OSGEP: variants seen among roughly 807,000 people sequenced by gnomAD.
OSGEP encodes the protein O-sialoglycoprotein endopeptidase, also known as tRNA N6-adenosine threonylcarbamoyltransferase.
OSGEP carries 39 observed loss-of-function variants against 44.1 expected under a neutral mutation model. The ratio of observed to expected loss-of-function variants is 0.88; its 90% confidence interval spans 0.69 to 1.16. The LOEUF (loss-of-function observed/expected upper bound fraction) is 1.16, where lower values mean the gene tolerates loss of function less well. Ranked by LOEUF, OSGEP falls within the 50% of genes most tolerant of loss-of-function variation. The pLI is 0.00. For missense variants in OSGEP, 403 were observed against 443.1 expected (o/e 0.91, Z 0.81); for synonymous variants, 139 against 161.9 (o/e 0.86, Z 1.07).
intron 6 of OSGEP, among the ~76,000 whole-genome samples, chr14:20,448,436 T>A (rs533520961): frequency 1.8e-4 from 28 of 152,320 alleles, no homozygotes; most frequent in African/African-American, 6.3e-4. Context: ...CTCATCATCA[T>A]CTGGCACTTC....
chr14:20,449,844 C>G (rs1189822439), intron 3 of OSGEP: 1 of 156,052 alleles, frequency 6.4e-6, no homozygotes, highest in Non-Finnish European at 1.4e-5. Flanking sequence ...CCAGCCTGGT[C>G]TCAAACTCCT....
chr14:20,452,295 A>T, intron 2 of OSGEP, 34 bp downstream of exon 2: 1 of 1,611,794 alleles, frequency 6.2e-7, no homozygotes, highest in Admixed American at 1.7e-5. Context: ...TTGCAGGTAT[A>T]TTCCTCCATC....
chr14:20,448,012 G>A lies in OSGEP; in HGVS notation c.703-18C>T, dbSNP rs1466783877. 2.5e-6 allele frequency: 4 copies of A among 1,607,814 alleles called. No homozygotes were observed. The highest frequency in any genetic ancestry group is 1.7e-5 in the Admixed American group (1 of 60,024). ...ACAGTTTCCTGTCAGGGACAGATAA[G>A]GAGAAAATATTAGAGGGGCATCCCA... On this transcript the variant is annotated intron_variant, in intron 7 of 10. Transcript: ENST00000206542.
Position 20,447,082 on chromosome 14 carries a change from T to G in OSGEP, c.*158A>C. ...TACAAAACCAAAAAACCAAAAATAT[T>G]TTATTGCTGAGTCATCCTGGGGTTC... On this transcript the variant is annotated 3_prime_UTR_variant, in exon 11 of 11. Transcript: ENST00000206542. 3.0e-6 allele frequency: 2 copies of G among 674,720 alleles called. No individual in the cohort carries two copies. The highest frequency in any genetic ancestry group is 5.3e-6 in the Non-Finnish European group (2 of 375,640). The allele number at this position is 674,720 out of a possible 1,614,324, so 41.8% of individuals were successfully genotyped here. A position where few individuals can be genotyped will look rare whatever the true frequency, so the allele number is the denominator to read the frequency against.
intron 1 of OSGEP, among the ~76,000 whole-genome samples, chr14:20,452,708 CT>C (rs59935464): frequency 0.5 from 68,129 of 135,128 alleles, 15,066 homozygotes; most frequent in Middle Eastern, 0.58. Flanking sequence ...CTTTCGTGAT[CT>C]TTTTTTTTTT....
At chr14:20,452,708 C>CTTTTTTTTT (rs59935464) in intron 1 of OSGEP, among the ~76,000 whole-genome samples, 3 of 135,316 alleles carry the variant, frequency 2.2e-5, no homozygotes, top group Non-Finnish European at 3.2e-5. Context: ...CTTTCGTGAT[C>CTTTTTTTTT]TTTTTTTTTT....
chr14:20,451,329 G>C lies in OSGEP; in HGVS notation c.411+645C>G, dbSNP rs181150912. ...TTTTGTTTGTTTGTTTGTTTGAGAC[G>C]GAGTTTTGCTCTTGTTGCCCAGGCT... On this transcript the variant is annotated intron_variant, in intron 3 of 10. Transcript: ENST00000206542. The C allele has an allele frequency of 5.7e-4, 168 of 295,144 alleles. 1 individual carries two copies. Among genetic ancestry groups the C allele is most frequent in the African/African-American group, 3.8e-3 (163 of 42,714 alleles). 18.3% of individuals were successfully genotyped at this position (295,144 alleles called of 1,614,324 possible).
chr14:20,447,777 C>T (rs1880985838), intron 8 of OSGEP, 87 bp from the exon 9 acceptor site: 5 of 1,266,754 alleles, frequency 3.9e-6, no homozygotes, highest in Non-Finnish European at 5.7e-6. Context: ...TCACTTAGAA[C>T]AATGACATAG....
At chr14:20,453,618 T>C (rs550233766) in intron 1 of OSGEP, among the ~76,000 whole-genome samples, 1 of 152,300 alleles carries the variant, frequency 6.6e-6, no homozygotes, top group African/African-American at 2.4e-5. Flanking sequence ...TCTGCCTGCC[T>C]TGGCCTCCCA....
At chr14:20,453,862 T>C (rs1594410054) in intron 1 of OSGEP, among the ~76,000 whole-genome samples, 1 of 151,770 alleles carries the variant, frequency 6.6e-6, no homozygotes, top group African/African-American at 2.4e-5. Context: ...CTACTAAAAA[T>C]ACAAAATTTA....
intron 8 of OSGEP, 64 bp downstream of exon 8, chr14:20,447,840 G>T: frequency 7.7e-7 from 1 of 1,304,502 alleles, no homozygotes; most frequent in African/African-American, 1.5e-5. Flanking sequence ...ATGATTTAGA[G>T]TACCAGGAGG....
At chr14:20,447,832 G>A (rs1012970012) in intron 8 of OSGEP, 72 bp downstream of exon 8, 3 of 1,280,306 alleles carry the variant, frequency 2.3e-6, no homozygotes, top group Admixed American at 3.5e-5. Flanking sequence ...AACGCTTAAT[G>A]ATTTAGAGTA....
At chr14:20,449,134 C>A (rs1174169812) in intron 4 of OSGEP, 37 bp downstream of exon 4, 1 of 1,547,604 alleles carries the variant, frequency 6.5e-7, no homozygotes, top group Non-Finnish European at 8.9e-7. Flanking sequence ...CAAAAATTCA[C>A]CCACATTTTA....
In OSGEP at chr14:20,447,151, G is replaced by A. The variant is rs1160038872; in HGVS notation, c.*89C>T. ...TTGCTTGGAGTCTATAGCTTTGCTA[G>A]GACTCCCATGACATCAGGATAGAGA... On this transcript the variant is annotated 3_prime_UTR_variant, in exon 11 of 11. Coordinates refer to ENST00000206542, the MANE Select transcript of OSGEP (RefSeq NM_017807.4). The A allele has an allele frequency of 9.3e-7, 1 of 1,078,564 alleles. No homozygotes were observed. Among genetic ancestry groups the A allele is most frequent in the South Asian group, 1.3e-5 (1 of 78,786 alleles). 66.8% of individuals were successfully genotyped at this position (1,078,564 alleles called of 1,614,324 possible).
At chr14:20,447,813 C>A in intron 8 of OSGEP, 91 bp downstream of exon 8, 1 of 1,228,018 alleles carries the variant, frequency 8.1e-7, no homozygotes. Context: ...GATTGGGAAG[C>A]CTACTCCAAA....
In OSGEP at chr14:20,447,241, T is replaced by C. The variant is rs1384140042; in HGVS notation, c.1007A>G (p.Ter336=). Reference sequence around the variant, plus strand: ...TCTACTCTGATTCTGTTGATCTTATTAGTCCCTCCAGGTCACCTCTACTTC... The same window carrying C: ...TCTACTCTGATTCTGTTGATCTTATCAGTCCCTCCAGGTCACCTCTACTTC... ...TDEVEVTWRD[*] Residue 336 remains the stop codon, a stop_retained_variant, in exon 11 of 11, where the codon TAA becomes TGA. Coordinates refer to ENST00000206542, the MANE Select transcript of OSGEP (RefSeq NM_017807.4). The C allele has an allele frequency of 1.9e-6, 3 of 1,613,740 alleles. No homozygotes were observed. The African/African-American group carries it at 4.0e-5, about 22-fold the overall frequency.
chr14:20,454,044 A>G (rs895339943), intron 1 of OSGEP, among the ~76,000 whole-genome samples: 3 of 152,174 alleles, frequency 2.0e-5, no homozygotes, highest in Non-Finnish European at 4.4e-5. Flanking sequence ...AATAAAAAAT[A>G]AAGACCAAAT....
At chr14:20,447,827 T>C in intron 8 of OSGEP, 77 bp downstream of exon 8, 1 of 1,283,172 alleles carries the variant, frequency 7.8e-7, no homozygotes, top group East Asian at 2.3e-5. Context: ...CTCCAAACGC[T>C]TAATGATTTA....
Position 20,446,961 on chromosome 14 carries a change from T to G in OSGEP, c.*279A>C. The stretch of plus-strand genomic sequence containing the variant: ...CGTTTCTTAAAAAAAAAAAAAAAGA[T>G]ACCTCATTCTTGGTTCCACAGCAGC... On this transcript the variant is annotated 3_prime_UTR_variant, in exon 11 of 11. Transcript: ENST00000206542. 2.7e-6 allele frequency: 1 copy of G among 369,684 alleles called. No homozygotes were observed. 22.9% of individuals were successfully genotyped at this position (369,684 alleles called of 1,614,324 possible).
Sources: gnomAD v4.1 joint callset for allele counts (sites outside exome capture counted in the v4.1 genomes callset) on GRCh38, gnomAD v4.1.1 for gene constraint, MANE v1.5 for transcripts, NCBI Gene and HGNC (gene_info 2026-07-23, HGNC 2026-07-21) for gene names.